Variants in TEAD1 observed in about 807,000 individuals in gnomAD.
The protein encoded by TEAD1 is TEA domain transcription factor 1.
Under a neutral mutation model 54.9 loss-of-function variants are expected in TEAD1, and 9 were observed. That is an observed-to-expected ratio of 0.16 (90% CI 0.10 to 0.29). The LOEUF (loss-of-function observed/expected upper bound fraction) is 0.29, where lower values mean the gene tolerates loss of function less well. Ranked by LOEUF, TEAD1 falls within the 10% of genes least tolerant of loss-of-function variation. The probability of loss-of-function intolerance (pLI) is 1.00; values close to 1 mark genes in which losing one functional copy is unlikely to be tolerated. For synonymous variants in TEAD1, 200 were observed against 187.8 expected, an observed-to-expected ratio of 1.07 and a Z score of -0.53; for missense variants, 387 against 535.9, an observed-to-expected ratio of 0.72 and a Z score of 2.74.
intron 3 of TEAD1, among the ~76,000 whole-genome samples, chr11:12,797,063 A>C (rs974172303): frequency 6.7e-6 from 1 of 149,370 alleles, no homozygotes. Flanking sequence ...CAGTGAGCCA[A>C]GATTGCGCCA....
intron 2 of TEAD1, among the ~76,000 whole-genome samples, chr11:12,748,335 C>T (rs1044700831): frequency 6.6e-5 from 10 of 152,190 alleles, no homozygotes; most frequent in African/African-American, 2.4e-4. Context: ...AACAATCTGT[C>T]AGGTATTGGG....
intron 3 of TEAD1, among the ~76,000 whole-genome samples, chr11:12,803,678 G>A (rs1490783470): frequency 6.6e-6 from 1 of 152,164 alleles, no homozygotes; most frequent in Non-Finnish European, 1.5e-5. Context: ...GGAGGCAGAT[G>A]GGAAAGAAGA....
chr11:12,774,393 G>A (rs1454706803), intron 3 of TEAD1, among the ~76,000 whole-genome samples: 2 of 152,172 alleles, frequency 1.3e-5, no homozygotes, highest in African/African-American at 4.8e-5. Flanking sequence ...AGTAAACCAG[G>A]TGCTGAGGGA....
intron 5 of TEAD1, among the ~76,000 whole-genome samples, chr11:12,877,926 T>C (rs1947886909): frequency 6.6e-6 from 1 of 151,670 alleles, no homozygotes; most frequent in Admixed American, 6.6e-5. Context: ...GGCTCTTGAG[T>C]AGCTGGAACC....
At chr11:12,687,207 T>G (rs1943352129) in intron 2 of TEAD1, among the ~76,000 whole-genome samples, 1 of 152,354 alleles carries the variant, frequency 6.6e-6, no homozygotes, top group Non-Finnish European at 1.5e-5. Flanking sequence ...TGTGCTGTGC[T>G]TTTGATTAAA....
At chr11:12,888,623 G>A (rs914570555) in intron 9 of TEAD1, among the ~76,000 whole-genome samples, 4 of 152,132 alleles carry the variant, frequency 2.6e-5, no homozygotes, top group South Asian at 2.1e-4. Context: ...AAATTTACTC[G>A]TTGGCTCACC....
chr11:12,784,235 G>T (rs2133952559), intron 3 of TEAD1, among the ~76,000 whole-genome samples: 1 of 152,300 alleles, frequency 6.6e-6, no homozygotes, highest in African/African-American at 2.4e-5. Context: ...GGATGGCAGT[G>T]CCATTTATAG....
At chr11:12,847,242 A>C (rs1947174377) in intron 3 of TEAD1, among the ~76,000 whole-genome samples, 1 of 152,210 alleles carries the variant, frequency 6.6e-6, no homozygotes, top group Admixed American at 6.5e-5. Context: ...TTCTTCATGC[A>C]GGGCCAGAGG....
At chr11:12,743,763 G>A (rs1030615540) in intron 2 of TEAD1, among the ~76,000 whole-genome samples, 1 of 152,182 alleles carries the variant, frequency 6.6e-6, no homozygotes, top group African/African-American at 2.4e-5. Context: ...ACCCATGAAC[G>A]GGGTGGTATT....
chr11:12,880,829 C>T (rs1478224501), intron 6 of TEAD1, among the ~76,000 whole-genome samples, 176 bp from the exon 7 acceptor site: 2 of 152,138 alleles, frequency 1.3e-5, no homozygotes, highest in Non-Finnish European at 1.5e-5. Context: ...GGTTGCCAGT[C>T]CAAGGATATA....
intron 5 of TEAD1, among the ~76,000 whole-genome samples, chr11:12,875,850 A>G (rs1161736608): frequency 1.3e-5 from 2 of 152,232 alleles, no homozygotes; most frequent in East Asian, 1.9e-4. Context: ...ATTGAAAAGT[A>G]TCTGTTTATA....
At chr11:12,711,935 G>A (rs1413760283) in intron 2 of TEAD1, among the ~76,000 whole-genome samples, 3 of 152,060 alleles carry the variant, frequency 2.0e-5, no homozygotes, top group Non-Finnish European at 2.9e-5. Context: ...ATTTCTCAGG[G>A]TTGAATGTGC....
At chr11:12,825,675 G>A (rs1030146984) in intron 3 of TEAD1, among the ~76,000 whole-genome samples, 2 of 152,102 alleles carry the variant, frequency 1.3e-5, no homozygotes, top group African/African-American at 4.8e-5. Context: ...GTATAGAAAT[G>A]TAGATGACCT....
chr11:12,864,640 T>TTGTTA (rs1947579273), intron 4 of TEAD1, 198 bp from the exon 5 acceptor site: 2 of 1,331,458 alleles, frequency 1.5e-6, no homozygotes, highest in South Asian at 3.1e-5. Flanking sequence ...TTGTTTTGTT[T>TTGTTA]TGTTTTGTTT....
intron 3 of TEAD1, among the ~76,000 whole-genome samples, chr11:12,813,138 A>G (rs1946341692): frequency 6.6e-6 from 1 of 152,160 alleles, no homozygotes; most frequent in Non-Finnish European, 1.5e-5. Flanking sequence ...TCTTAGGTCA[A>G]GATACTGTGC....
chr11:12,886,412 G>A (rs1217367607), intron 9 of TEAD1, among the ~76,000 whole-genome samples: 1 of 152,190 alleles, frequency 6.6e-6, no homozygotes, highest in Non-Finnish European at 1.5e-5. Flanking sequence ...GAGAAAGATA[G>A]TTATATTTTA....
chr11:12,794,318 T>C (rs755145315), intron 3 of TEAD1, among the ~76,000 whole-genome samples: 1 of 152,220 alleles, frequency 6.6e-6, no homozygotes, highest in Non-Finnish European at 1.5e-5. Context: ...AGCGTGATAG[T>C]CTCTTTGAGA....
intron 3 of TEAD1, among the ~76,000 whole-genome samples, chr11:12,834,540 G>A (rs7116989): frequency 0.65 from 99,107 of 152,088 alleles, 33,013 homozygotes; most frequent in East Asian, 0.77. Flanking sequence ...TGTATGGGAA[G>A]TGTGTTGCAC....
At chr11:12,781,773 G>A (rs1361075791) in intron 3 of TEAD1, among the ~76,000 whole-genome samples, 1 of 151,410 alleles carries the variant, frequency 6.6e-6, no homozygotes, top group Non-Finnish European at 1.5e-5. Context: ...TTCTTTAAAA[G>A]ACTCACCATA....
Sources: gnomAD v4.1 joint callset for allele counts (sites outside exome capture counted in the v4.1 genomes callset) on GRCh38, gnomAD v4.1.1 for gene constraint, MANE v1.5 for transcripts, NCBI Gene and HGNC (gene_info 2026-07-23, HGNC 2026-07-21) for gene names.